The following RECQL variants were observed in gnomAD, a reference collection of about 807,000 sequenced individuals.
RECQL encodes the protein ATP-dependent DNA helicase Q1.
RECQL carries 73 observed loss-of-function variants against 75.8 expected under a neutral mutation model. The observed-to-expected ratio is 0.96, with a 90% CI of 0.80 to 1.17. The LOEUF is 1.17. Among genes scored for constraint, RECQL ranks in the 50% most tolerant of loss-of-function variants. RECQL has a pLI of 0.00. For synonymous variants in RECQL, 248 were observed against 254.4 expected (o/e 0.97, Z 0.24); for missense variants, 699 against 772.1 (o/e 0.91, Z 1.12).
intron 4 of RECQL, among the ~76,000 whole-genome samples, chr12:21,488,990 C>G (rs1943358191): frequency 1.3e-5 from 2 of 152,206 alleles, no homozygotes; most frequent in Admixed American, 1.3e-4. Flanking sequence ...TGAATGAACA[C>G]TCTTCCTTCC....
At chr12:21,475,091 T>C (rs1299186386) in intron 10 of RECQL, 112 bp from the exon 11 acceptor site, 42 of 1,075,024 alleles carry the variant, frequency 3.9e-5, no homozygotes, top group Middle Eastern at 5.3e-4. Context: ...TCTAGAAATT[T>C]TAGAGATGTG....
At chr12:21,483,227 C>T in intron 6 of RECQL, 149 bp downstream of exon 6, 1 of 643,746 alleles carries the variant, frequency 1.6e-6, no homozygotes, top group South Asian at 2.0e-5. Context: ...AATTTAAAAC[C>T]CTTTTGGTTC....
At chr12:21,482,047 C>A (rs994758653) in intron 6 of RECQL, among the ~76,000 whole-genome samples, 1 of 143,106 alleles carries the variant, frequency 7.0e-6, no homozygotes, top group African/African-American at 2.5e-5. Context: ...AGATGGTAAG[C>A]TGAGAAGTCT....
In RECQL at chr12:21,469,531, C is replaced by T. The variant is rs1316038839; in HGVS notation, c.*663G>A. On this transcript the variant is annotated 3_prime_UTR_variant, in exon 15 of 15. Transcript: ENST00000444129. ...AAAGTATCACTCAGTGAACCTCTGT[C>T]AGTATAATATTGCTTTCAAAAAGAT... 1 of 149,864 alleles carries T rather than the reference C, an allele frequency of 6.7e-6. No homozygotes were observed. Among genetic ancestry groups the T allele is most frequent in the Non-Finnish European group, 1.5e-5 (1 of 67,668 alleles). 9.3% of individuals were successfully genotyped at this position (149,864 alleles called of 1,614,324 possible). A position where few individuals can be genotyped will look rare whatever the true frequency, so the allele number is the denominator to read the frequency against.
chr12:21,496,164 A>G, intron 2 of RECQL, among the ~76,000 whole-genome samples: 1 of 152,230 alleles, frequency 6.6e-6, no homozygotes, highest in Non-Finnish European at 1.5e-5. Context: ...TCCATGTCGC[A>G]TTCAACTCAC....
chr12:21,477,011 A>C lies in RECQL; in HGVS notation c.868-19T>G, dbSNP rs2137346672. On this transcript the variant is annotated intron_variant, in intron 7 of 14. Coordinates refer to ENST00000444129, the MANE Select transcript of RECQL (RefSeq NM_002907.4). ...GCCGAACCTAAAAAAAACTTAACTT[A>C]TTAAAAAGTAAATGAATGAGTACCA... is the stretch of plus-strand genomic sequence containing the variant. The C allele has an allele frequency of 6.3e-7, 1 of 1,579,350 alleles. No individual in the cohort carries two copies. The highest frequency in any genetic ancestry group is 2.3e-5 in the East Asian group (1 of 44,392).
intron 6 of RECQL, among the ~76,000 whole-genome samples, chr12:21,480,047 C>T (rs1308535734): frequency 6.6e-6 from 1 of 152,080 alleles, no homozygotes; most frequent in Non-Finnish European, 1.5e-5. Flanking sequence ...AGCAAAGAAA[C>T]AAGACAATAC....
chr12:21,492,369 T>C (rs981928156), intron 2 of RECQL, among the ~76,000 whole-genome samples: 1 of 152,240 alleles, frequency 6.6e-6, no homozygotes, highest in Non-Finnish European at 1.5e-5. Flanking sequence ...AAAAGTGAGA[T>C]GCTTTTTGAT....
intron 6 of RECQL, among the ~76,000 whole-genome samples, chr12:21,482,456 G>A (rs781011282): frequency 4.6e-5 from 7 of 152,092 alleles, no homozygotes; most frequent in Non-Finnish European, 1.0e-4. Context: ...GTATAAGGAC[G>A]GCTGAGGATA....
chr12:21,470,523 A>T, intron 14 of RECQL, 177 bp from the exon 15 acceptor site: 1 of 1,002,246 alleles, frequency 1.0e-6, no homozygotes. Context: ...ATTTTGAATA[A>T]AAGGGGCTAC....
At position 21,476,911 on chromosome 12, in the gene RECQL, C is replaced by CTGAT. The variant is rs1236663803; in HGVS notation, c.945_948dup (p.Gly317IlefsTer13). ...CAAAGTTGGTTTGTTTTTACATTAC[C>CTGAT]TGATTGCCCTTTGTATCTCCCATTA... On this transcript the variant is annotated frameshift_variant and splice_region_variant, in exon 8 of 15. Transcript: ENST00000444129. LOFTEE classifies it high-confidence loss of function. 6.2e-7 allele frequency: 1 copy of CTGAT among 1,600,502 alleles called. No homozygotes were observed. Among genetic ancestry groups the CTGAT allele is most frequent in the African/African-American group, 1.3e-5 (1 of 74,336 alleles).
chr12:21,491,321 T>A (rs1288560659), intron 3 of RECQL, among the ~76,000 whole-genome samples, 198 bp downstream of exon 3: 1 of 152,070 alleles, frequency 6.6e-6, no homozygotes, highest in East Asian at 1.9e-4. Context: ...AAAAAATGTC[T>A]GAATAATAAA....
In RECQL at chr12:21,483,429, A is replaced by G. The variant is rs759377352; in HGVS notation, c.647T>C (p.Ile216Thr). The change falls in exon 6 of 15, where the codon ATT (isoleucine) becomes ACT (threonine). Residue 216 changes from isoleucine (I) to threonine (T), a missense_variant. Ile to Thr is a moderately conservative substitution (Grantham distance 89). Transcript: ENST00000444129. The stretch of plus-strand genomic sequence containing the variant: ...ACAGCAGTGAACTTCATCCACAGCA[A>G]TTCGAGTAAATCTCCTTGCTTCATA... ...KAYEARRFTR[I>T]AVDEVHCCSQ... 2.5e-6 allele frequency: 4 copies of G among 1,606,286 alleles called. No individual in the cohort carries two copies. The Admixed American group carries it at 7.0e-5, about 28-fold the overall frequency.
Position 21,501,538 on chromosome 12 carries a change from G to T in RECQL, c.-414C>A. The stretch of plus-strand genomic sequence containing the variant: ...TCCTGTGTCCGACTCTCCGATCTCC[G>T]ACTCTCGGATCTCCGACACCAAAGC... On this transcript the variant is annotated 5_prime_UTR_variant, in exon 1 of 15. Coordinates refer to ENST00000444129, the MANE Select transcript of RECQL (RefSeq NM_002907.4). 2 of 228,786 alleles carry T rather than the reference G, an allele frequency of 8.7e-6. No homozygotes were observed. The highest frequency in any genetic ancestry group is 1.7e-5 in the Non-Finnish European group (2 of 116,042). The allele number at this position is 228,786 out of a possible 1,614,324, so 14.2% of individuals were successfully genotyped here.
intron 2 of RECQL, among the ~76,000 whole-genome samples, chr12:21,498,743 A>G (rs1284313451): frequency 1.3e-5 from 2 of 152,186 alleles, no homozygotes; most frequent in Non-Finnish European, 2.9e-5. Flanking sequence ...TAATAACCAA[A>G]TATAGGAAAC....
At chr12:21,483,224 A>C (rs1345868551) in intron 6 of RECQL, 152 bp downstream of exon 6, 14 of 638,958 alleles carry the variant, frequency 2.2e-5, no homozygotes, top group Non-Finnish European at 3.7e-5. Context: ...CAAAATTTAA[A>C]ACCCTTTTGG....
intron 8 of RECQL, 95 bp from the exon 9 acceptor site, chr12:21,475,919 C>A: frequency 1.0e-6 from 1 of 968,240 alleles, no homozygotes; most frequent in African/African-American, 1.6e-5. Context: ...TAATACAATG[C>A]ACAGAAGGAA....
At chr12:21,493,174 A>G (rs746161954) in intron 2 of RECQL, among the ~76,000 whole-genome samples, 4 of 152,178 alleles carry the variant, frequency 2.6e-5, no homozygotes, top group African/African-American at 4.8e-5. Flanking sequence ...GCCACATAGA[A>G]CTGGCTTTCT....
At chr12:21,481,220 G>C (rs1156340651) in intron 6 of RECQL, among the ~76,000 whole-genome samples, 1 of 152,150 alleles carries the variant, frequency 6.6e-6, no homozygotes, top group East Asian at 1.9e-4. Context: ...AAAGTTTTTG[G>C]TTAGAATGTC....
Sources: gnomAD v4.1 joint callset for allele counts (sites outside exome capture counted in the v4.1 genomes callset) on GRCh38, gnomAD v4.1.1 for gene constraint, MANE v1.5 for transcripts, NCBI Gene and HGNC (gene_info 2026-07-23, HGNC 2026-07-21) for gene names.